Variants in KLHL4 observed in about 807,000 individuals in gnomAD.
KLHL4 encodes the protein kelch like family member 4.
Under a neutral mutation model 45.8 loss-of-function variants are expected in KLHL4, and 17 were observed. The observed-to-expected ratio is 0.37, with a 90% CI of 0.25 to 0.56. The LOEUF is 0.56. Among genes scored for constraint, KLHL4 ranks in the 20% least tolerant of loss-of-function variants. The pLI, the probability that KLHL4 is intolerant of heterozygous loss-of-function variation, is 0.79. For missense variants in KLHL4, 544 were observed against 544.9 expected (o/e 1.00, Z 0.02); for synonymous variants, 224 against 189.9 (o/e 1.18, Z -1.47).
At chrX:87,535,662 T>C (rs1200626497) in intron 1 of KLHL4, among the ~76,000 whole-genome samples, 3 of 110,854 alleles carry the variant, frequency 2.7e-5, no homozygotes, top group Non-Finnish European at 5.7e-5. Flanking sequence ...GTCTTTCAGC[T>C]TCTGTTCATT....
chrX:87,555,491 G>C (rs1465883803), intron 1 of KLHL4, among the ~76,000 whole-genome samples: 6 of 110,660 alleles, frequency 5.4e-5, no homozygotes, highest in South Asian at 3.9e-4. Context: ...TCTAGATTTT[G>C]TAGTTTATTT....
intron 1 of KLHL4, among the ~76,000 whole-genome samples, chrX:87,573,797 A>G (rs1921008851): frequency 1.8e-5 from 2 of 111,848 alleles, no homozygotes; most frequent in Non-Finnish European, 3.8e-5. Flanking sequence ...AAGCCATACA[A>G]ATATTTTTGG....
intron 1 of KLHL4, among the ~76,000 whole-genome samples, chrX:87,561,555 A>T (rs1198949581): frequency 9.0e-6 from 1 of 111,272 alleles, no homozygotes; most frequent in Admixed American, 9.6e-5. Flanking sequence ...GGATCCTAAA[A>T]TTTGAAAAGC....
intron 7 of KLHL4, 136 bp from the exon 8 acceptor site, chrX:87,633,613 T>C (rs1272063711): frequency 2.3e-6 from 1 of 432,621 alleles, no homozygotes; most frequent in Non-Finnish European, 3.8e-6. Context: ...ACAGAGTCAG[T>C]AAACTATTCA....
intron 9 of KLHL4, among the ~76,000 whole-genome samples, chrX:87,659,109 CTTTCTTTTTTTTTTT>C (rs1258682528): frequency 1.2e-5 from 1 of 80,323 alleles, no homozygotes; most frequent in African/African-American, 4.6e-5. Context: ...TTATTCTTTT[CTTTCTTTTTTTTTTT>C]TTTTTTTTTT....
In KLHL4 at chrX:87,668,262, T is replaced by C; in HGVS notation, c.*1728T>C. The C allele has an allele frequency of 1.3e-6, 1 of 753,979 alleles. No homozygotes were observed. Among genetic ancestry groups the C allele is most frequent in the Non-Finnish European group, 1.6e-6 (1 of 638,945 alleles). 62.1% of individuals were successfully genotyped at this position (753,979 alleles called of 1,213,427 possible). A position where few individuals can be genotyped will look rare whatever the true frequency, so the allele number is the denominator to read the frequency against. On this transcript the variant is annotated 3_prime_UTR_variant, in exon 11 of 11. Coordinates refer to ENST00000373119, the MANE Select transcript of KLHL4 (RefSeq NM_019117.5). Reference sequence around the variant, plus strand: ...TGGCCTGTTAAGTTAAATGTGGGTGTCAACCAGTGGAAAAGATCAAAGGAC... The same window carrying C: ...TGGCCTGTTAAGTTAAATGTGGGTGCCAACCAGTGGAAAAGATCAAAGGAC...
intron 9 of KLHL4, among the ~76,000 whole-genome samples, chrX:87,654,432 C>T (rs994435611): frequency 9.0e-6 from 1 of 111,332 alleles, no homozygotes; most frequent in Non-Finnish European, 1.9e-5. Context: ...TTGTTTAAGA[C>T]ATGATTATTT....
At chrX:87,567,379 T>C in intron 1 of KLHL4, among the ~76,000 whole-genome samples, 1 of 111,914 alleles carries the variant, frequency 8.9e-6, no homozygotes, top group African/African-American at 3.2e-5. Flanking sequence ...ATAAAGTATG[T>C]AAAACAATGC....
intron 1 of KLHL4, among the ~76,000 whole-genome samples, chrX:87,556,712 A>G (rs1188822266): frequency 1.8e-5 from 2 of 109,415 alleles, no homozygotes; most frequent in African/African-American, 6.7e-5. Flanking sequence ...ACAAAACAAA[A>G]CAAAACAGCT....
At chrX:87,587,449 T>C (rs1401849072) in intron 1 of KLHL4, among the ~76,000 whole-genome samples, 1 of 111,558 alleles carries the variant, frequency 9.0e-6, no homozygotes, top group African/African-American at 3.2e-5. Flanking sequence ...ATATTCATCA[T>C]GATCAAGAGG....
chrX:87,665,213 A>C (rs901268107), intron 10 of KLHL4, among the ~76,000 whole-genome samples: 1 of 111,486 alleles, frequency 9.0e-6, no homozygotes, highest in African/African-American at 3.3e-5. Flanking sequence ...CATTCCCTTT[A>C]AAGAAAATAA....
chrX:87,552,739 A>C (rs1197227495), intron 1 of KLHL4, among the ~76,000 whole-genome samples: 1 of 108,742 alleles, frequency 9.2e-6, no homozygotes, highest in Non-Finnish European at 1.9e-5. Flanking sequence ...ACTTATTAGT[A>C]GGAGGTAAAA....
chrX:87,616,994 A>C (rs1224073579), intron 3 of KLHL4, among the ~76,000 whole-genome samples: 2 of 111,983 alleles, frequency 1.8e-5, no homozygotes, highest in African/African-American at 6.5e-5. Flanking sequence ...TTAGGGGAAT[A>C]GTTTGTAATT....
In KLHL4 at chrX:87,603,598, T is replaced by C. The variant is rs186812865; in HGVS notation, c.423-10279T>C. On this transcript the variant is annotated intron_variant, in intron 1 of 10. Transcript: ENST00000373119. ...TACACACTATAATTGTATATAGTTA[T>C]GAAGTACAATTTGATGTTTAAATAC... 5.9e-3 allele frequency among the ~76,000 whole-genome samples: 661 copies of C among 111,256 alleles called. 4 individuals are homozygous for C. Among genetic ancestry groups the C allele is most frequent in the Middle Eastern group, 0.014 (3 of 211 alleles).
intron 6 of KLHL4, among the ~76,000 whole-genome samples, chrX:87,627,698 TAGA>T (rs1922973259): frequency 1.8e-5 from 2 of 111,911 alleles, no homozygotes; most frequent in African/African-American, 6.5e-5. Flanking sequence ...AATAGCATAT[TAGA>T]AGGTTTTTTG....
At chrX:87,626,817 G>A (rs1922945390) in intron 6 of KLHL4, among the ~76,000 whole-genome samples, 1 of 111,370 alleles carries the variant, frequency 9.0e-6, no homozygotes, top group South Asian at 3.8e-4. Context: ...ACTGTAACTG[G>A]CAAAAGGTCT....
intron 5 of KLHL4, among the ~76,000 whole-genome samples, chrX:87,624,825 T>A (rs1432474919): frequency 8.9e-6 from 1 of 112,611 alleles, no homozygotes; most frequent in South Asian, 3.6e-4. Flanking sequence ...TTTTTGTTAA[T>A]ATGCTGGCTA....
chrX:87,560,532 C>T (rs193234664), intron 1 of KLHL4, among the ~76,000 whole-genome samples: 12 of 111,348 alleles, frequency 1.1e-4, no homozygotes, highest in South Asian at 3.7e-4. Flanking sequence ...ACTTTAGGCA[C>T]GATGTTGTAT....
rs1485269235 is a variant in KLHL4 at position 87,531,493 on chromosome X, A to T, written c.422+13178A>T. Among the ~76,000 whole-genome samples the T allele has an allele frequency of 2.7e-5, 3 of 109,973 alleles. 1 individual carries two copies. Among genetic ancestry groups the T allele is most frequent in the Middle Eastern group, 8.5e-3 (2 of 235 alleles). On this transcript the variant is annotated intron_variant, in intron 1 of 10. Transcript: ENST00000373119. ...GAAGTTCTGGCCAGGGCAATTAGGC[A>T]GGAGAAGGAAATAAAGGGTATTCAA...
Sources: gnomAD v4.1 joint callset for allele counts (sites outside exome capture counted in the v4.1 genomes callset) on GRCh38, gnomAD v4.1.1 for gene constraint, MANE v1.5 for transcripts, NCBI Gene and HGNC (gene_info 2026-07-23, HGNC 2026-07-21) for gene names.